The following EML1 variants were observed in gnomAD, a reference collection of about 807,000 sequenced individuals.
EML1 encodes echinoderm microtubule-associated protein-like 1.
EML1 carries 27 observed loss-of-function variants against 110.4 expected under a neutral mutation model. The observed-to-expected ratio is 0.24, with a 90% CI of 0.18 to 0.34. The LOEUF is 0.34. Among genes scored for constraint, EML1 ranks in the 10% least tolerant of loss-of-function variants. EML1 has a pLI of 1.00. For missense variants in EML1, 741 were observed against 1,030.9 expected (o/e 0.72, Z 3.85); for synonymous variants, 344 against 385.8 (o/e 0.89, Z 1.27).
intron 17 of EML1, among the ~76,000 whole-genome samples, chr14:99,929,870 T>G (rs547066010): frequency 6.6e-6 from 1 of 152,280 alleles, no homozygotes; most frequent in East Asian, 1.9e-4. Flanking sequence ...GATGAAATGA[T>G]GAGGGCTTTT....
chr14:99,849,022 A>G (rs2058748284), intron 1 of EML1, among the ~76,000 whole-genome samples: 1 of 152,132 alleles, frequency 6.6e-6, no homozygotes, highest in East Asian at 1.9e-4. Context: ...AAAGGAAAAA[A>G]ATGAGTCTTT....
In EML1 at chr14:99,926,037, G is replaced by A. The variant is rs543929291; in HGVS notation, c.1909+5160G>A. ...ACCGCTGTGCTGGCCCAGCTGCTGC[G>A]AAGGAGTGAGGGCAGCCCAGGGAAG... On this transcript the variant is annotated intron_variant, in intron 17 of 21. Transcript: ENST00000262233. Among the ~76,000 whole-genome samples the A allele has an allele frequency of 2.3e-3, 349 of 152,328 alleles. 1 individual carries two copies. The highest frequency in any genetic ancestry group is 8.1e-3 in the African/African-American group (337 of 41,576).
At chr14:99,833,091 A>C (rs1441876063) in intron 1 of EML1, among the ~76,000 whole-genome samples, 1 of 152,184 alleles carries the variant, frequency 6.6e-6, no homozygotes, top group Non-Finnish European at 1.5e-5. Context: ...AACCAAGGTT[A>C]TAAAGATTTC....
chr14:99,908,454 C>T (rs74368260), intron 10 of EML1, among the ~76,000 whole-genome samples: 5 of 152,308 alleles, frequency 3.3e-5, no homozygotes, highest in East Asian at 3.9e-4. Flanking sequence ...TGCATGTCTG[C>T]GAGGCAGACC....
chr14:99,804,599 G>C (rs1374692528), intron 1 of EML1, among the ~76,000 whole-genome samples: 1 of 152,140 alleles, frequency 6.6e-6, no homozygotes, highest in Non-Finnish European at 1.5e-5. Flanking sequence ...TATGCTCGAT[G>C]AGTGAATGAT....
chr14:99,934,460 G>A (rs7160028), intron 17 of EML1, among the ~76,000 whole-genome samples: 2,804 of 152,362 alleles, frequency 0.018, 91 homozygotes, highest in African/African-American at 0.064. Flanking sequence ...GAGGCGCCAG[G>A]CCACCCTGGG....
chr14:99,839,636 C>T (rs533776893), intron 1 of EML1, among the ~76,000 whole-genome samples: 1 of 152,328 alleles, frequency 6.6e-6, no homozygotes, highest in Non-Finnish European at 1.5e-5. Context: ...ATTCAAGAGG[C>T]TCTGCTGAAG....
rs2140148859 is a variant in EML1 at position 99,941,940 on chromosome 14, C to T, written c.*1828C>T. The T allele has an allele frequency of 6.6e-6, 1 of 152,310 alleles. No homozygotes were observed. The highest frequency in any genetic ancestry group is 6.5e-5 in the Admixed American group (1 of 15,304). The allele number at this position is 152,310 out of a possible 1,614,324, so 9.4% of individuals were successfully genotyped here. A position where few individuals can be genotyped will look rare whatever the true frequency, so the allele number is the denominator to read the frequency against. The stretch of plus-strand genomic sequence containing the variant: ...CAATAATGGACAAAGGATACAAACA[C>T]ACACACATCTACTATTTTAGATAAA... On this transcript the variant is annotated 3_prime_UTR_variant, in exon 22 of 22. Coordinates refer to ENST00000262233, the MANE Select transcript of EML1 (RefSeq NM_004434.3).
At chr14:99,898,845 A>G (rs1448843870) in intron 8 of EML1, among the ~76,000 whole-genome samples, 2 of 152,210 alleles carry the variant, frequency 1.3e-5, no homozygotes, top group Non-Finnish European at 2.9e-5. Flanking sequence ...GTTCTGAACA[A>G]AGAATTCGCT....
intron 2 of EML1, among the ~76,000 whole-genome samples, chr14:99,858,273 C>T (rs900921977): frequency 6.6e-6 from 1 of 151,898 alleles, no homozygotes; most frequent in Non-Finnish European, 1.5e-5. Context: ...CAACCTCTGC[C>T]TCCCAGATTC....
At chr14:99,907,345 G>A (rs370107343) in intron 9 of EML1, 3 of 346,636 alleles carry the variant, frequency 8.7e-6, no homozygotes, top group Admixed American at 8.9e-5. Context: ...GTACACACCC[G>A]CGGTCCCAGC....
chr14:99,808,194 G>C (rs2058012948), intron 1 of EML1, among the ~76,000 whole-genome samples: 1 of 152,226 alleles, frequency 6.6e-6, no homozygotes, highest in Admixed American at 6.5e-5. Flanking sequence ...CCATCAGCTA[G>C]TGAGTTCCTT....
At chr14:99,930,509 T>A (rs1317658221) in intron 17 of EML1, among the ~76,000 whole-genome samples, 1 of 152,252 alleles carries the variant, frequency 6.6e-6, no homozygotes, top group East Asian at 1.9e-4. Context: ...AGGCATGTTT[T>A]AGCAACTGTC....
In EML1 at chr14:99,784,553, C is replaced by T. The variant is rs1376200050; in HGVS notation, c.-27+10540C>T. ...TTCTTAGATAATAGAGTTGTCATAT[C>T]CATTTGGACTATCAACAGATTATCT... On this transcript the variant is annotated intron_variant, in intron 1 of 22. Coordinates refer to the EML1 transcript ENST00000327921. This position sits in a 1 kb window ranked among gnomAD's most constrained non-coding sequence, Gnocchi z 4.5. Among the ~76,000 whole-genome samples the T allele has an allele frequency of 1.3e-5, 2 of 152,172 alleles. No individual in the cohort carries two copies. Among genetic ancestry groups the T allele is most frequent in the Non-Finnish European group, 2.9e-5 (2 of 68,040 alleles).
intron 17 of EML1, among the ~76,000 whole-genome samples, chr14:99,932,702 ACTC>A (rs2060393978): frequency 6.6e-6 from 1 of 151,742 alleles, no homozygotes; most frequent in African/African-American, 2.4e-5. Flanking sequence ...AGTTGTCAAA[ACTC>A]CTCGAACCAT....
chr14:99,892,103 G>T, intron 5 of EML1: 1 of 984,714 alleles, frequency 1.0e-6, no homozygotes, highest in Non-Finnish European at 1.2e-6. Context: ...AGGCAGGCCA[G>T]CCACACTTGC....
chr14:99,825,641 T>C (rs374261756), intron 1 of EML1, among the ~76,000 whole-genome samples: 2 of 152,218 alleles, frequency 1.3e-5, no homozygotes, highest in South Asian at 4.1e-4. Context: ...TGTCAGCCTC[T>C]GAACTCCTGA....
intron 1 of EML1, among the ~76,000 whole-genome samples, chr14:99,748,695 A>G (rs533425801): frequency 8.3e-4 from 127 of 152,306 alleles, no homozygotes; most frequent in African/African-American, 2.7e-3. Flanking sequence ...TAAATCACAC[A>G]TTTAAAAGTA....
chr14:99,878,923 T>C (rs553034360), intron 4 of EML1, among the ~76,000 whole-genome samples: 1 of 152,268 alleles, frequency 6.6e-6, no homozygotes, highest in Non-Finnish European at 1.5e-5. Flanking sequence ...GGGAAGCCAT[T>C]CTGAATTTCT....
Sources: gnomAD v4.1 joint callset for allele counts (sites outside exome capture counted in the v4.1 genomes callset) on GRCh38, gnomAD v4.1.1 for gene constraint, Gnocchi (gnomAD v3.1) non-coding constraint, MANE v1.5 for transcripts, NCBI Gene and HGNC (gene_info 2026-07-23, HGNC 2026-07-21) for gene names.